The following RGP1 variants were observed in gnomAD, a reference collection of about 807,000 sequenced individuals.
RGP1 encodes RAB6A-GEF complex partner protein 2.
Under a neutral mutation model 44.5 loss-of-function variants are expected in RGP1, and 28 were observed. The ratio of observed to expected loss-of-function variants is 0.63; its 90% CI spans 0.47 to 0.86. The LOEUF is 0.86. RGP1 is among the 40% of genes least tolerant of loss of function. The probability of loss-of-function intolerance (pLI) is 0.00; values close to 1 mark genes in which losing one functional copy is unlikely to be tolerated. For missense variants in RGP1, 417 were observed against 490.7 expected, an observed-to-expected ratio of 0.85 and a Z score of 1.42; for synonymous variants, 212 against 196.7, an observed-to-expected ratio of 1.08 and a Z score of -0.65.
At chr9:35,778,242 C>A in the RGP1 span, among the ~76,000 whole-genome samples, 1 of 152,132 alleles carries the variant, frequency 6.6e-6, no homozygotes, top group Non-Finnish European at 1.5e-5. Context: ...ACAGAGGTTG[C>A]AGTGAGCCAA....
the RGP1 span, among the ~76,000 whole-genome samples, chr9:35,784,193 A>G: frequency 6.6e-6 from 1 of 152,142 alleles, no homozygotes; most frequent in African/African-American, 2.4e-5. Context: ...AACCCCTTAG[A>G]TGCATAGTTT....
the RGP1 span, among the ~76,000 whole-genome samples, chr9:35,766,464 G>A: frequency 6.6e-6 from 1 of 152,116 alleles, no homozygotes; most frequent in East Asian, 1.9e-4. Context: ...CTTTTGAGGA[G>A]CAGAAGTTTT....
the RGP1 span, among the ~76,000 whole-genome samples, chr9:35,785,549 G>A: frequency 4.6e-5 from 7 of 151,018 alleles, no homozygotes; most frequent in South Asian, 1.0e-3. Flanking sequence ...GCAGTGATGT[G>A]ACATAATTAG....
rs1827342646 is a variant in RGP1 at position 35,755,303 on chromosome 9, A to G, written c.*2429A>G. On this transcript the variant is annotated 3_prime_UTR_variant, in exon 9 of 9. Coordinates refer to ENST00000378078, the MANE Select transcript of RGP1 (RefSeq NM_001080496.3). ...CATCTCTGGTGCGTAAGCGTCAGGA[A>G]ATAGCAGTTGCTGTGATTGGGGCTA... is the stretch of plus-strand genomic sequence containing the variant. The G allele has an allele frequency of 6.6e-6, 1 of 152,254 alleles. No homozygotes were observed. The highest frequency in any genetic ancestry group is 6.5e-5 in the Admixed American group (1 of 15,286). The allele number at this position is 152,254 out of a possible 1,614,324, so 9.4% of individuals were successfully genotyped here.
In RGP1 at chr9:35,753,189, G is replaced by A. The variant is rs369287451; in HGVS notation, c.*315G>A. 6.4e-5 allele frequency: 104 copies of A among 1,614,164 alleles called. No individual in the cohort carries two copies. The highest frequency in any genetic ancestry group is 7.7e-5 in the Non-Finnish European group (91 of 1,180,022). On this transcript the variant is annotated 3_prime_UTR_variant, in exon 9 of 9. Coordinates refer to ENST00000378078, the MANE Select transcript of RGP1 (RefSeq NM_001080496.3). The surrounding 1 kb of genome is among the most constrained non-coding windows in gnomAD (Gnocchi z 4.2). Reference sequence around the variant, plus strand: ...GGCCCTCCCCCTTTGCAGGGCAGCCGAGGGTCAGATTTTTGCACCAAGGAG... The same window carrying A: ...GGCCCTCCCCCTTTGCAGGGCAGCCAAGGGTCAGATTTTTGCACCAAGGAG...
the RGP1 span, among the ~76,000 whole-genome samples, chr9:35,765,994 C>G: frequency 2.6e-5 from 4 of 151,736 alleles, no homozygotes; most frequent in African/African-American, 9.7e-5. Flanking sequence ...GTCCCCATAC[C>G]TGGCTAATTT....
intron 5 of RGP1, 74 bp downstream of exon 5, chr9:35,751,063 A>G (rs1208740468): frequency 6.4e-7 from 1 of 1,571,544 alleles, no homozygotes; most frequent in East Asian, 2.2e-5. Context: ...GAGGGCTTGC[A>G]AGAGGGACTG....
the RGP1 span, among the ~76,000 whole-genome samples, chr9:35,765,835 CTTTT>C: frequency 7.2e-6 from 1 of 138,694 alleles, no homozygotes. Context: ...TTCTTTCTTT[CTTTT>C]TTTTTTTTTT....
At chr9:35,752,555 C>A in intron 8 of RGP1, 96 bp from the exon 9 acceptor site, 1 of 1,107,828 alleles carries the variant, frequency 9.0e-7, no homozygotes, top group Non-Finnish European at 1.3e-6. Flanking sequence ...TTCCTGAACA[C>A]AGATTGTTTT....
chr9:35,767,221 C>G, the RGP1 span, among the ~76,000 whole-genome samples: 1 of 150,900 alleles, frequency 6.6e-6, no homozygotes, highest in African/African-American at 2.4e-5. Context: ...ATCTCATGTT[C>G]CTGTTACTGT....
At chr9:35,751,186 A>AAAG (rs1827255871) in intron 5 of RGP1, 80 bp from the exon 6 acceptor site, 3 of 1,549,242 alleles carry the variant, frequency 1.9e-6, no homozygotes, top group Non-Finnish European at 2.6e-6. Context: ...TAGCCATCTC[A>AAAG]TGTTAGAATC....
chr9:35,775,899 C>T, the RGP1 span, among the ~76,000 whole-genome samples: 1 of 152,130 alleles, frequency 6.6e-6, no homozygotes, highest in Non-Finnish European at 1.5e-5. Flanking sequence ...TTATATAATG[C>T]TTTACAATAT....
rs1055527626 is a variant in RGP1 at position 35,756,483 on chromosome 9, A to G, written c.*3609A>G. 1.3e-5 allele frequency: 2 copies of G among 152,548 alleles called. No individual in the cohort carries two copies. The highest frequency in any genetic ancestry group is 2.9e-5 in the Non-Finnish European group (2 of 68,274). The allele number at this position is 152,548 out of a possible 1,614,324, so 9.4% of individuals were successfully genotyped here. ...ACCCTTTCCGTTTCAGAGGATTGCC[A>G]AGAAAAAACTCACAGTTGAGGCAGG... On this transcript the variant is annotated 3_prime_UTR_variant, in exon 9 of 9. Transcript: ENST00000378078.
At chr9:35,766,110 A>G in the RGP1 span, among the ~76,000 whole-genome samples, 6 of 149,316 alleles carry the variant, frequency 4.0e-5, no homozygotes, top group East Asian at 2.0e-4. Flanking sequence ...GATTATAGGC[A>G]TGAGCCACCG....
Position 35,751,992 on chromosome 9 carries a change from C to T in RGP1, c.799C>T (p.Pro267Ser). Reference sequence around the variant, plus strand: ...CTTACAGACCGAGGAGCGTGTACAGCCTGAGTACCAGCGGCGACGTGGGGC... The same window carrying T: ...CTTACAGACCGAGGAGCGTGTACAGTCTGAGTACCAGCGGCGACGTGGGGC... ...VSLQTEERVQ[P>S]EYQRRRGAGG... The change falls in exon 8 of 9, where the codon CCT becomes TCT. Residue 267 changes from proline (P) to serine (S), a missense_variant. Pro to Ser is a moderately conservative substitution (Grantham distance 74). Transcript: ENST00000378078. The T allele has an allele frequency of 6.3e-7, 1 of 1,597,730 alleles. No individual in the cohort carries two copies. The highest frequency in any genetic ancestry group is 8.5e-7 in the Non-Finnish European group (1 of 1,172,096).
chr9:35,789,941 G>A, the RGP1 span, among the ~76,000 whole-genome samples: 44,878 of 152,130 alleles, frequency 0.29, 8,276 homozygotes, highest in African/African-American at 0.52. Context: ...ATCTTTAAAT[G>A]AGAGGGCTAA....
the RGP1 span, among the ~76,000 whole-genome samples, chr9:35,789,184 A>C: frequency 1.2e-4 from 18 of 152,030 alleles, no homozygotes; most frequent in Middle Eastern, 3.4e-3. Flanking sequence ...CGCCCAGCTA[A>C]TTTTTGTGTT....
At chr9:35,788,648 T>C in the RGP1 span, among the ~76,000 whole-genome samples, 1 of 151,794 alleles carries the variant, frequency 6.6e-6, no homozygotes, top group South Asian at 2.1e-4. Context: ...TATCTGTTTG[T>C]GGATTAGAAG....
the RGP1 span, among the ~76,000 whole-genome samples, chr9:35,766,452 G>A: frequency 4.6e-5 from 7 of 152,178 alleles, no homozygotes; most frequent in African/African-American, 1.7e-4. Context: ...TCTTTATAGT[G>A]TCTTTTGAGG....
Sources: allele counts gnomAD v4.1 joint callset (sites outside exome capture counted in the v4.1 genomes callset), GRCh38; gene constraint gnomAD v4.1.1; non-coding constraint Gnocchi (gnomAD v3.1); transcripts MANE v1.5; gene names NCBI Gene and HGNC (gene_info 2026-07-23, HGNC 2026-07-21).